The following AIG1 variants were observed in gnomAD, a reference collection of about 807,000 sequenced individuals.
The protein encoded by AIG1 is androgen-induced gene 1 protein.
A neutral mutation model predicts 31.4 loss-of-function variants in AIG1; 23 were observed. The ratio of observed to expected loss-of-function variants is 0.73; its 90% CI spans 0.53 to 1.04. The LOEUF is 1.04. Ranked by LOEUF, AIG1 falls within the 50% of genes least tolerant of loss-of-function variation. AIG1 has a pLI of 0.00. For missense variants in AIG1, 274 were observed against 295.0 expected, an observed-to-expected ratio of 0.93 and a Z score of 0.52; for synonymous variants, 100 against 110.5, an observed-to-expected ratio of 0.90 and a Z score of 0.60.
At chr6:143,190,184 G>A (rs1789659099) in intron 3 of AIG1, 2 of 984,994 alleles carry the variant, frequency 2.0e-6, no homozygotes, top group East Asian at 1.1e-4. Flanking sequence ...TCAGCCCATA[G>A]CAGGATGAGA....
intron 4 of AIG1, among the ~76,000 whole-genome samples, chr6:143,300,342 G>A (rs1360837515): frequency 2.0e-5 from 3 of 152,140 alleles, no homozygotes; most frequent in African/African-American, 7.2e-5. Context: ...AAATCTTTCA[G>A]AAATATTAGC....
Position 143,202,195 on chromosome 6 carries a change from T to A in AIG1, c.399+37012T>A, listed in dbSNP as rs1048783761. 1.4e-4 allele frequency among the ~76,000 whole-genome samples: 21 copies of A among 152,298 alleles called. No homozygotes were observed. The South Asian group carries it at 2.7e-3, about 20-fold the overall frequency. On this transcript the variant is annotated intron_variant, in intron 3 of 5. Transcript: ENST00000357847. ...ATGTAAGAGGTACCATCAATTTAAT[T>A]TAATAACAGTTTTCAGGAAATAAAG...
intron 1 of AIG1, among the ~76,000 whole-genome samples, chr6:143,075,188 T>C (rs1005634824): frequency 2.6e-5 from 4 of 152,234 alleles, no homozygotes; most frequent in African/African-American, 4.8e-5. Flanking sequence ...ATCTCCTTTT[T>C]CTTTATCAGT....
chr6:143,089,396 G>A (rs894211373), intron 1 of AIG1, among the ~76,000 whole-genome samples: 3 of 152,084 alleles, frequency 2.0e-5, no homozygotes, highest in East Asian at 1.9e-4. Flanking sequence ...CCATCTATGA[G>A]CTCTCTGACT....
chr6:143,103,357 G>C lies in AIG1; in HGVS notation c.142-33478G>C, dbSNP rs376663566. 1.4e-4 allele frequency among the ~76,000 whole-genome samples: 21 copies of C among 152,192 alleles called. No homozygotes were observed. In the East Asian group the frequency reaches 3.7e-3, roughly 27 times the overall value. On this transcript the variant is annotated intron_variant, in intron 1 of 5. Transcript: ENST00000357847. ...GCTAAATTAAGTCCACCCACATTAG[G>C]AGCCACACTGCTTTGTGGAATGTAT...
In AIG1 at chr6:143,337,799, G is replaced by T. The variant is rs533691825; in HGVS notation, c.680-1840G>T. Among the ~76,000 whole-genome samples the T allele has an allele frequency of 6.9e-4, 105 of 152,276 alleles. 1 individual carries two copies. The highest frequency in any genetic ancestry group is 3.4e-3 in the Middle Eastern group (1 of 294). ...CCCTGGTGGAGCCCTCCACCGGCCT[G>T]CAGGAAGGGCATGTGACTGACTCCC... On this transcript the variant is annotated intron_variant, in intron 5 of 5. Coordinates refer to ENST00000357847, the MANE Select transcript of AIG1 (RefSeq NM_016108.4).
chr6:143,207,682 G>C (rs1791232560), intron 3 of AIG1, among the ~76,000 whole-genome samples: 1 of 152,062 alleles, frequency 6.6e-6, no homozygotes, highest in South Asian at 2.1e-4. Flanking sequence ...GGTCATAGAA[G>C]GTGAGTTCTT....
At chr6:143,089,804 G>GC (rs1310359710) in intron 1 of AIG1, among the ~76,000 whole-genome samples, 2 of 152,072 alleles carry the variant, frequency 1.3e-5, no homozygotes, top group African/African-American at 2.4e-5. Flanking sequence ...CCCATTTACT[G>GC]CCCCCCAGAG....
At chr6:143,222,941 T>G (rs1792651008) in intron 3 of AIG1, among the ~76,000 whole-genome samples, 1 of 152,206 alleles carries the variant, frequency 6.6e-6, no homozygotes, top group Non-Finnish European at 1.5e-5. Context: ...AATATTTACT[T>G]TGCTCAGTAC....
chr6:143,143,528 A>AAAAAATATATATATATAT (rs1554249782), intron 2 of AIG1, among the ~76,000 whole-genome samples: 4 of 27,774 alleles, frequency 1.4e-4, no homozygotes, highest in East Asian at 2.6e-3. Context: ...AAAAAAAAAA[A>AAAAAATATATATATATAT]ATATATATAT....
At position 143,331,756 on chromosome 6, in the gene AIG1, AG is replaced by A. The variant is rs1777092896; in HGVS notation, c.516-1520del. On this transcript the variant is annotated intron_variant, in intron 4 of 5. Coordinates refer to ENST00000357847, the MANE Select transcript of AIG1 (RefSeq NM_016108.4). The surrounding 1 kb of genome is among the most constrained non-coding windows in gnomAD (Gnocchi z 4.1). ...AGAATGAATTTTCGCCTGCAAGAAGAGGGGGGATCTCACCCTCATTGATAAC... is the reference window on the plus strand; with the variant it reads ...AGAATGAATTTTCGCCTGCAAGAAGAGGGGGATCTCACCCTCATTGATAAC... Among the ~76,000 whole-genome samples, 1 of 151,842 alleles carries A rather than the reference AG, an allele frequency of 6.6e-6. No homozygotes were observed. The highest frequency in any genetic ancestry group is 2.1e-4 in the South Asian group (1 of 4,814).
intron 3 of AIG1, among the ~76,000 whole-genome samples, chr6:143,212,187 C>T (rs549916114): frequency 6.6e-6 from 1 of 152,224 alleles, no homozygotes; most frequent in South Asian, 2.1e-4. Flanking sequence ...GCAAAATTGC[C>T]CTAGGTTGAA....
At chr6:143,165,008 C>A in intron 2 of AIG1, 74 bp from the exon 3 acceptor site, 2 of 1,153,988 alleles carry the variant, frequency 1.7e-6, no homozygotes, top group Non-Finnish European at 2.6e-6. Flanking sequence ...ATTCTTTCAA[C>A]TATTGTTAAC....
At chr6:143,170,978 A>G (rs185645110) in intron 3 of AIG1, among the ~76,000 whole-genome samples, 87 of 152,214 alleles carry the variant, frequency 5.7e-4, no homozygotes, top group African/African-American at 2.0e-3. Flanking sequence ...TAAGGAAACA[A>G]ATATTCCCAT....
chr6:143,342,730 C>G, downstream of AIG1: 1 of 917,746 alleles, frequency 1.1e-6, no homozygotes, highest in Non-Finnish European at 1.8e-6. Context: ...GGTGGAATAA[C>G]CTAAGTGATG....
At chr6:143,302,048 G>T (rs569806797) in intron 4 of AIG1, among the ~76,000 whole-genome samples, 1 of 152,126 alleles carries the variant, frequency 6.6e-6, no homozygotes, top group Non-Finnish European at 1.5e-5. Flanking sequence ...GAACTCAATG[G>T]TGACTAGAAT....
At chr6:143,164,977 A>G (rs1786783784) in intron 2 of AIG1, 105 bp from the exon 3 acceptor site, 1 of 859,812 alleles carries the variant, frequency 1.2e-6, no homozygotes, top group South Asian at 1.6e-5. Context: ...GTCTTTCATC[A>G]TAGATTCCAA....
At chr6:143,206,414 T>C (rs919699991) in intron 3 of AIG1, among the ~76,000 whole-genome samples, 1 of 152,226 alleles carries the variant, frequency 6.6e-6, no homozygotes, top group Non-Finnish European at 1.5e-5. Flanking sequence ...AAAAATATCA[T>C]TGGTATAATA....
intron 3 of AIG1, among the ~76,000 whole-genome samples, chr6:143,184,946 C>T (rs182490747): frequency 6.0e-4 from 92 of 152,268 alleles, no homozygotes; most frequent in African/African-American, 2.1e-3. Flanking sequence ...GCCTGTAGTC[C>T]CAGTACTTTG....
Sources: gnomAD v4.1 joint callset for allele counts (sites outside exome capture counted in the v4.1 genomes callset) on GRCh38, gnomAD v4.1.1 for gene constraint, Gnocchi (gnomAD v3.1) non-coding constraint, MANE v1.5 for transcripts, NCBI Gene and HGNC (gene_info 2026-07-23, HGNC 2026-07-21) for gene names.